The following DPP10 variants were observed in gnomAD, a reference collection of about 807,000 sequenced individuals.
DPP10 encodes dipeptidyl peptidase like 10.
DPP10 carries 33 observed loss-of-function variants against 120.9 expected under a neutral mutation model. That is an observed-to-expected ratio of 0.27 (90% CI 0.21 to 0.37). The LOEUF (loss-of-function observed/expected upper bound fraction) is 0.37. DPP10 is among the 10% of genes least tolerant of loss of function. The pLI is 1.00. For missense variants in DPP10, 816 were observed against 942.8 expected, an observed-to-expected ratio of 0.87 and a Z score of 1.76; for synonymous variants, 337 against 326.1, an observed-to-expected ratio of 1.03 and a Z score of -0.36.
chr2:115,157,786 T>C (rs1372285011), intron 1 of DPP10, among the ~76,000 whole-genome samples: 1 of 152,204 alleles, frequency 6.6e-6, no homozygotes, highest in Non-Finnish European at 1.5e-5. Context: ...TCAGGCCAAG[T>C]CTCTGAAGAC....
intron 1 of DPP10, among the ~76,000 whole-genome samples, chr2:114,769,643 A>G (rs1248056862): frequency 6.6e-6 from 1 of 152,214 alleles, no homozygotes; most frequent in Non-Finnish European, 1.5e-5. Context: ...AGTAGGTCAA[A>G]TGTGCTCTCA....
chr2:114,956,924 A>G (rs1215491591), intron 1 of DPP10, among the ~76,000 whole-genome samples: 1 of 151,792 alleles, frequency 6.6e-6, no homozygotes, highest in Non-Finnish European at 1.5e-5. Flanking sequence ...ACACCATATA[A>G]AAAATATCAA....
intron 19 of DPP10, among the ~76,000 whole-genome samples, chr2:115,797,780 A>G (rs1684706956): frequency 6.6e-6 from 1 of 151,986 alleles, no homozygotes; most frequent in Non-Finnish European, 1.5e-5. Flanking sequence ...AAATGTCAGC[A>G]TTAACTTCTT....
chr2:114,646,255 A>G (rs1262680510), intron 1 of DPP10, among the ~76,000 whole-genome samples: 1 of 152,082 alleles, frequency 6.6e-6, no homozygotes, highest in Admixed American at 6.5e-5. Context: ...TATGTGTGCA[A>G]TGGGGAGTAA....
intron 3 of DPP10, among the ~76,000 whole-genome samples, chr2:115,480,728 G>C (rs2075377888): frequency 6.6e-6 from 1 of 152,070 alleles, no homozygotes. Flanking sequence ...GAACAGGAAG[G>C]CTCATCTTTT....
rs72943767 is a variant in DPP10, at chr2:114,944,674, C to T, written c.61-364565C>T. On this transcript the variant is annotated intron_variant, in intron 1 of 25. Transcript: ENST00000410059. ...CCATATAACGTAACAATGACTATCA[C>T]TGAATGAGCGCTAAGGTTTTTACAT... Among the ~76,000 whole-genome samples the T allele has an allele frequency of 3.8e-3, 574 of 152,288 alleles. 1 individual carries two copies. Among genetic ancestry groups the T allele is most frequent in the African/African-American group, 0.013 (539 of 41,570 alleles).
chr2:114,773,856 T>A (rs573686075), intron 1 of DPP10, among the ~76,000 whole-genome samples: 40 of 152,242 alleles, frequency 2.6e-4, no homozygotes, highest in African/African-American at 8.9e-4. Context: ...TGCTTCTTTT[T>A]TAAATAGTTA....
chr2:115,382,368 C>G (rs1238228501), intron 3 of DPP10, among the ~76,000 whole-genome samples: 1 of 152,232 alleles, frequency 6.6e-6, no homozygotes, highest in Non-Finnish European at 1.5e-5. Context: ...AGGGAACTCC[C>G]TGACCCCTTG....
At chr2:114,454,664 G>T (rs923307413) in intron 1 of DPP10, among the ~76,000 whole-genome samples, 4 of 152,086 alleles carry the variant, frequency 2.6e-5, no homozygotes, top group African/African-American at 9.7e-5. Flanking sequence ...TCCTCATTCG[G>T]GCTGAATTCA....
chr2:114,923,306 C>T (rs1695341244), intron 1 of DPP10, among the ~76,000 whole-genome samples: 1 of 151,246 alleles, frequency 6.6e-6, no homozygotes, highest in Admixed American at 6.6e-5. Context: ...GCCTCAGCCT[C>T]CCCAGTAGCT....
chr2:115,062,501 A>C (rs190314104), intron 1 of DPP10, among the ~76,000 whole-genome samples: 3 of 152,302 alleles, frequency 2.0e-5, no homozygotes, highest in African/African-American at 7.2e-5. Context: ...CCCAGCATGC[A>C]TTAACTATTT....
chr2:115,107,322 A>T (rs1159425521), intron 1 of DPP10, among the ~76,000 whole-genome samples: 3 of 151,486 alleles, frequency 2.0e-5, no homozygotes, highest in Non-Finnish European at 2.9e-5. Flanking sequence ...AAACTCAAGG[A>T]TTAAAAATAA....
intron 1 of DPP10, among the ~76,000 whole-genome samples, chr2:114,936,563 G>T (rs974490532): frequency 6.6e-6 from 1 of 152,028 alleles, no homozygotes; most frequent in African/African-American, 2.4e-5. Context: ...GCATGTGCAA[G>T]TATCTTTTTA....
At chr2:114,448,583 G>A (rs983935816) in intron 1 of DPP10, among the ~76,000 whole-genome samples, 11 of 152,126 alleles carry the variant, frequency 7.2e-5, no homozygotes, top group Non-Finnish European at 1.6e-4. Flanking sequence ...GAAACTCTTG[G>A]GGTAGGGCCC....
At chr2:114,740,312 A>T (rs1430919599) in intron 1 of DPP10, among the ~76,000 whole-genome samples, 1 of 141,972 alleles carries the variant, frequency 7.0e-6, no homozygotes, top group African/African-American at 2.6e-5. Context: ...AACAATGAGA[A>T]CACATGGACA....
At chr2:115,594,623 A>G (rs2082880314) in intron 5 of DPP10, among the ~76,000 whole-genome samples, 1 of 152,122 alleles carries the variant, frequency 6.6e-6, no homozygotes, top group African/African-American at 2.4e-5. Flanking sequence ...ACAATCTCCA[A>G]AATTAACAGA....
At chr2:114,552,069 G>A (rs1363845695) in intron 1 of DPP10, among the ~76,000 whole-genome samples, 1 of 152,188 alleles carries the variant, frequency 6.6e-6, no homozygotes, top group Non-Finnish European at 1.5e-5. Flanking sequence ...TTTCGGCTAG[G>A]TACCGGCAGA....
At chr2:115,431,262 A>G (rs1030309816) in intron 3 of DPP10, among the ~76,000 whole-genome samples, 2 of 152,154 alleles carry the variant, frequency 1.3e-5, no homozygotes, top group Admixed American at 6.6e-5. Flanking sequence ...CCATGACTGT[A>G]AGGAGGTCAT....
At chr2:114,899,739 C>T (rs1306191060) in intron 1 of DPP10, among the ~76,000 whole-genome samples, 2 of 152,174 alleles carry the variant, frequency 1.3e-5, no homozygotes, top group East Asian at 3.9e-4. Context: ...GGGCAGATCA[C>T]GAGGTCAGGA....
Sources: gnomAD v4.1 joint callset for allele counts (sites outside exome capture counted in the v4.1 genomes callset) on GRCh38, gnomAD v4.1.1 for gene constraint, MANE v1.5 for transcripts, NCBI Gene and HGNC (gene_info 2026-07-23, HGNC 2026-07-21) for gene names.